The following PARP8 variants were observed in gnomAD, a reference collection of about 807,000 sequenced individuals.
PARP8 encodes protein mono-ADP-ribosyltransferase PARP8.
In PARP8, 51 loss-of-function variants were observed where a neutral mutation model predicts 124.1. That is an observed-to-expected ratio of 0.41 (90% CI 0.33 to 0.52). The LOEUF is 0.52. Among genes scored for constraint, PARP8 ranks in the 20% least tolerant of loss-of-function variants. The pLI, the probability that PARP8 is intolerant of heterozygous loss-of-function variation, is 0.21. For synonymous variants in PARP8, 391 were observed against 361.5 expected, an observed-to-expected ratio of 1.08 and a Z score of -0.93; for missense variants, 860 against 1,018.9, an observed-to-expected ratio of 0.84 and a Z score of 2.12.
intron 14 of PARP8, among the ~76,000 whole-genome samples, chr5:50,803,788 T>C (rs1404861090): frequency 6.6e-6 from 1 of 152,210 alleles, no homozygotes; most frequent in Admixed American, 6.5e-5. Flanking sequence ...TTAACATCTA[T>C]GCTTTCCTTG....
At chr5:50,667,553 G>A (rs980982777) in intron 1 of PARP8, 6 of 699,932 alleles carry the variant, frequency 8.6e-6, no homozygotes, top group Non-Finnish European at 7.8e-6. Context: ...TGCGCAATGG[G>A]CTGAGCGGCG....
chr5:50,724,682 T>C (rs1561291875), intron 2 of PARP8, among the ~76,000 whole-genome samples: 1 of 152,146 alleles, frequency 6.6e-6, no homozygotes, highest in Non-Finnish European at 1.5e-5. Context: ...ATTTTGACTA[T>C]ATTATGATGC....
At chr5:50,730,346 G>A (rs1055245755) in intron 2 of PARP8, among the ~76,000 whole-genome samples, 7 of 152,238 alleles carry the variant, frequency 4.6e-5, no homozygotes, top group African/African-American at 1.7e-4. Context: ...GCCTGGGGAG[G>A]CCTCAGGAAA....
Position 50,666,932 on chromosome 5 carries a change from C to G in PARP8, c.-164C>G. ...CCTCCTCCTCCTCCCCCTCCTCCTC[C>G]TCCTCTTCTCTCACCCAGGATCACT... is the stretch of plus-strand genomic sequence containing the variant. On this transcript the variant is annotated 5_prime_UTR_variant, in exon 1 of 26. Coordinates refer to ENST00000281631, the MANE Select transcript of PARP8 (RefSeq NM_024615.4). The G allele has an allele frequency of 7.0e-7, 1 of 1,438,238 alleles. No homozygotes were observed. The highest frequency in any genetic ancestry group is 2.6e-5 in the East Asian group (1 of 38,882). The allele number at this position is 1,438,238 out of a possible 1,614,324, so 89.1% of individuals were successfully genotyped here.
chr5:50,720,017 C>A (rs181210504), intron 2 of PARP8, among the ~76,000 whole-genome samples: 1 of 151,934 alleles, frequency 6.6e-6, no homozygotes, highest in African/African-American at 2.4e-5. Flanking sequence ...AAAAAAAAAT[C>A]TGACATGCTT....
chr5:50,757,162 G>A, intron 3 of PARP8: 1 of 455,902 alleles, frequency 2.2e-6, no homozygotes, highest in Non-Finnish European at 4.4e-6. Context: ...TGGAGATATT[G>A]CTTCAAGATC....
At chr5:50,707,835 C>T (rs1157658773) in intron 2 of PARP8, among the ~76,000 whole-genome samples, 12 of 152,032 alleles carry the variant, frequency 7.9e-5, no homozygotes, top group Admixed American at 1.3e-4. Context: ...TATTTTAGAA[C>T]AATATGCGTG....
At chr5:50,695,992 A>T (rs1252270656) in intron 2 of PARP8, among the ~76,000 whole-genome samples, 1 of 152,232 alleles carries the variant, frequency 6.6e-6, no homozygotes, top group African/African-American at 2.4e-5. Context: ...GTTAGGAATT[A>T]TGTAAATCTT....
chr5:50,751,314 T>G (rs1759235178), intron 3 of PARP8, among the ~76,000 whole-genome samples: 1 of 152,116 alleles, frequency 6.6e-6, no homozygotes, highest in Admixed American at 6.5e-5. Context: ...ATACAAACAT[T>G]GAAATTCTAA....
chr5:50,754,481 G>A (rs1269967389), intron 3 of PARP8, among the ~76,000 whole-genome samples: 1 of 151,830 alleles, frequency 6.6e-6, no homozygotes, highest in East Asian at 1.9e-4. Flanking sequence ...ATGGTTTCCA[G>A]CTTCATCCAT....
At chr5:50,745,847 A>T (rs1419690161) in intron 2 of PARP8, among the ~76,000 whole-genome samples, 1 of 152,170 alleles carries the variant, frequency 6.6e-6, no homozygotes, top group East Asian at 1.9e-4. Flanking sequence ...AAAGGAATGG[A>T]TCACGGGAAA....
chr5:50,714,772 G>A (rs1755129809), intron 2 of PARP8, among the ~76,000 whole-genome samples: 1 of 152,072 alleles, frequency 6.6e-6, no homozygotes. Context: ...AGCAGCCCCT[G>A]ATTTTAGCCT....
chr5:50,783,701 T>TGAAGAATG lies in PARP8; in HGVS notation c.671-4818_671-4811dup, dbSNP rs1388129774. ...TATGGACTTTATGACAGTCAACTTA[T>TGAAGAATG]GAAGAATGGAATTTTTATGGGTTGG... On this transcript the variant is annotated intron_variant, in intron 9 of 25. Coordinates refer to ENST00000281631, the MANE Select transcript of PARP8 (RefSeq NM_024615.4). Among the ~76,000 whole-genome samples, 146 of 152,306 alleles carry TGAAGAATG rather than the reference T, an allele frequency of 9.6e-4. 1 individual carries two copies. The highest frequency in any genetic ancestry group is 3.4e-3 in the African/African-American group (141 of 41,574).
In PARP8 at chr5:50,839,283, T is replaced by C. The variant is rs1747912897; in HGVS notation, c.2463-2683T>C. The stretch of plus-strand genomic sequence containing the variant: ...TCCTTTTAGACGTTTTCATTTTTCA[T>C]TCTACCAAAACCCAGTCCAATGTAT... On this transcript the variant is annotated intron_variant, in intron 25 of 25. Coordinates refer to ENST00000281631, the MANE Select transcript of PARP8 (RefSeq NM_024615.4). Among the ~76,000 whole-genome samples the C allele has an allele frequency of 2.0e-5, 3 of 152,174 alleles. No homozygotes were observed. The South Asian group carries it at 6.2e-4, about 32-fold the overall frequency.
At chr5:50,828,456 T>G in intron 21 of PARP8, 72 bp downstream of exon 21, 1 of 1,387,080 alleles carries the variant, frequency 7.2e-7, no homozygotes, top group Non-Finnish European at 1.0e-6. Flanking sequence ...AACCCTGTTG[T>G]TAGGTTTAAC....
At chr5:50,667,659 C>T (rs1749487563) in intron 1 of PARP8, 1 of 699,608 alleles carries the variant, frequency 1.4e-6, no homozygotes, top group South Asian at 1.5e-5. Flanking sequence ...CATCTCCGGC[C>T]CCTTCGGCTC....
intron 10 of PARP8, among the ~76,000 whole-genome samples, chr5:50,791,425 AT>A (rs1741942823): frequency 6.6e-6 from 1 of 152,202 alleles, no homozygotes; most frequent in African/African-American, 2.4e-5. Context: ...TTGACTCCAA[AT>A]CAGTACTTAC....
At chr5:50,667,352 G>T (rs936627582) in intron 1 of PARP8, among the ~76,000 whole-genome samples, 166 bp downstream of exon 1, 8 of 150,590 alleles carry the variant, frequency 5.3e-5, no homozygotes, top group Admixed American at 1.3e-4. Context: ...GGGAGGGGGC[G>T]CCAGCCTCTC....
chr5:50,725,437 C>A (rs559703714), intron 2 of PARP8, among the ~76,000 whole-genome samples: 1 of 152,050 alleles, frequency 6.6e-6, no homozygotes, highest in Non-Finnish European at 1.5e-5. Context: ...GTACTTGTAG[C>A]AAGATACTTA....
Sources: allele counts gnomAD v4.1 joint callset (sites outside exome capture counted in the v4.1 genomes callset), GRCh38; gene constraint gnomAD v4.1.1; transcripts MANE v1.5; gene names NCBI Gene and HGNC (gene_info 2026-07-23, HGNC 2026-07-21).